Variants in TRPC3 observed in about 807,000 individuals in gnomAD.
TRPC3 encodes the protein transient receptor potential cation channel subfamily C member 3.
Under a neutral mutation model 90.9 loss-of-function variants are expected in TRPC3, and 54 were observed. That is an observed-to-expected ratio of 0.59 (90% confidence interval 0.48 to 0.75). TRPC3 has a LOEUF of 0.75. Ranked by LOEUF, TRPC3 falls within the 30% of genes least tolerant of loss-of-function variation. The pLI is 0.00. For synonymous variants in TRPC3, 424 were observed against 450.9 expected (o/e 0.94, Z 0.75); for missense variants, 918 against 1,194.5 (o/e 0.77, Z 3.41).
chr4:121,895,693 T>C (rs1042202335), intron 10 of TRPC3, among the ~76,000 whole-genome samples: 1 of 151,958 alleles, frequency 6.6e-6, no homozygotes, highest in Non-Finnish European at 1.5e-5. Flanking sequence ...AATGAGTGCA[T>C]AAAACATCTC....
Position 121,932,401 on chromosome 4 carries a change from G to C in TRPC3, c.857C>G (p.Ser286Trp), listed in dbSNP as rs774832979. 2.5e-6 allele frequency: 4 copies of C among 1,614,124 alleles called. No individual in the cohort carries two copies. The highest frequency in any genetic ancestry group is 3.4e-6 in the Non-Finnish European group (4 of 1,180,018). The part of the protein sequence containing the change: ...QRHDSFSHSR[S>W]RINAYKGLAS... ...CAGCCCCTTGTAGGCATTGATCCTCGAGCGTGAGTGGCTGAAGGAGTCGTG... is the reference window on the plus strand; with the variant it reads ...CAGCCCCTTGTAGGCATTGATCCTCCAGCGTGAGTGGCTGAAGGAGTCGTG... Residue 286 changes from serine (S) to tryptophan (W), a missense_variant, in exon 2 of 12, where the codon TCG becomes TGG. Coordinates refer to ENST00000379645, the MANE Select transcript of TRPC3 (RefSeq NM_001130698.2). This position sits in a 1 kb window ranked among gnomAD's most constrained non-coding sequence, Gnocchi z 7.7.
intron 2 of TRPC3, among the ~76,000 whole-genome samples, chr4:121,930,091 G>T (rs1729849756): frequency 6.6e-6 from 1 of 152,104 alleles, no homozygotes; most frequent in South Asian, 2.1e-4. Flanking sequence ...CATGGGATAA[G>T]AGGGGAGAAA....
intron 11 of TRPC3, among the ~76,000 whole-genome samples, chr4:121,881,088 C>T (rs559808416): frequency 6.6e-6 from 1 of 152,222 alleles, no homozygotes; most frequent in East Asian, 1.9e-4. Flanking sequence ...GCAGGAGACC[C>T]CCTGCCCTAC....
intron 10 of TRPC3, among the ~76,000 whole-genome samples, chr4:121,896,600 C>G (rs964459373): frequency 6.6e-6 from 1 of 152,000 alleles, no homozygotes; most frequent in Admixed American, 6.6e-5. Context: ...GATGAAAGAC[C>G]TCTTCAAGGA....
intron 10 of TRPC3, among the ~76,000 whole-genome samples, chr4:121,888,985 T>C (rs1319719954): frequency 3.9e-5 from 6 of 152,140 alleles, no homozygotes; most frequent in Non-Finnish European, 7.4e-5. Context: ...CAGTTGTCTA[T>C]GAACCAGGAA....
chr4:121,899,463 G>T, intron 10 of TRPC3, 149 bp downstream of exon 10: 1 of 486,156 alleles, frequency 2.1e-6, no homozygotes, highest in Non-Finnish European at 3.5e-6. Flanking sequence ...TTTCACAGGT[G>T]TTGAATCATT....
chr4:121,944,600 A>G (rs1031998629), intron 1 of TRPC3, among the ~76,000 whole-genome samples: 4 of 152,190 alleles, frequency 2.6e-5, no homozygotes, highest in African/African-American at 9.7e-5. Flanking sequence ...CTAGTGCTGG[A>G]CTGGGATCCT....
At chr4:121,948,599 C>A (rs565804181) in intron 1 of TRPC3, among the ~76,000 whole-genome samples, 1 of 152,288 alleles carries the variant, frequency 6.6e-6, no homozygotes, top group South Asian at 2.1e-4. Flanking sequence ...ATGCCTCAAA[C>A]CAACATGTCC....
chr4:121,879,871 T>C lies in TRPC3; in HGVS notation c.2631A>G (p.Leu877=), dbSNP rs767196076. The C allele has an allele frequency of 1.3e-6, 2 of 1,589,130 alleles. No individual in the cohort carries two copies. Among genetic ancestry groups the C allele is most frequent in the Admixed American group, 1.9e-5 (1 of 53,040 alleles). The part of the protein sequence containing the change: ...KENDEVNEGE[L]KEIKQDISSL... ...TGGAGATATCTTGCTTGATTTCTTT[T>C]AATTCACCTATAGTATTGATATTAA... Residue 877 remains leucine (L), a synonymous_variant, in exon 12 of 12, where the codon TTA becomes TTG. Coordinates refer to ENST00000379645, the MANE Select transcript of TRPC3 (RefSeq NM_001130698.2).
intron 1 of TRPC3, chr4:121,933,250 C>T (rs1328888230): frequency 5.6e-6 from 6 of 1,079,750 alleles, no homozygotes; most frequent in South Asian, 3.9e-5. Flanking sequence ...AGAAGGAAGC[C>T]GGCAGCCCTT....
intron 10 of TRPC3, among the ~76,000 whole-genome samples, chr4:121,894,555 G>GTTTTTTTTTT (rs374034360): frequency 3.2e-5 from 2 of 63,370 alleles, no homozygotes; most frequent in Non-Finnish European, 5.4e-5. Context: ...TACACATTCT[G>GTTTTTTTTTT]TTTTTTTTTT....
At chr4:121,934,770 A>T (rs2149144657) in intron 1 of TRPC3, among the ~76,000 whole-genome samples, 1 of 152,298 alleles carries the variant, frequency 6.6e-6, no homozygotes. Flanking sequence ...TGAGGGCCCC[A>T]AACAGAGAGA....
rs745617552 is a variant in TRPC3 at position 121,899,592 on chromosome 4, T to TA, written c.2547+19dup. 3 of 1,598,068 alleles carry TA rather than the reference T, an allele frequency of 1.9e-6. No individual in the cohort carries two copies. The highest frequency in any genetic ancestry group is 1.3e-5 in the African/African-American group (1 of 74,492). ...ATGGAATCACATAGAGATCAAGAGA[T>TA]ACGTCTAATGAATGCTTACCTGATA... is the stretch of plus-strand genomic sequence containing the variant. On this transcript the variant is annotated intron_variant, in intron 10 of 11. Transcript: ENST00000379645.
At chr4:121,948,047 C>A (rs1730552075) in intron 1 of TRPC3, among the ~76,000 whole-genome samples, 1 of 152,160 alleles carries the variant, frequency 6.6e-6, no homozygotes, top group Non-Finnish European at 1.5e-5. Flanking sequence ...TCTTCACACT[C>A]CTTTGAGTAA....
Position 121,877,141 on chromosome 4 carries a change from G to A in TRPC3, c.*2595C>T, listed in dbSNP as rs1727784733. 6.6e-6 allele frequency among the ~76,000 whole-genome samples: 1 copy of A among 152,122 alleles called. No homozygotes were observed. Among genetic ancestry groups the A allele is most frequent in the Admixed American group, 6.6e-5 (1 of 15,264 alleles). On this transcript the variant is annotated 3_prime_UTR_variant, in exon 12 of 12. Transcript: ENST00000379645. Reference sequence around the variant, plus strand: ...TATCCTCAAGTGAAGGACTAATTCTGACAGCAATCCCCTCGACTAATCCTC... The same window carrying A: ...TATCCTCAAGTGAAGGACTAATTCTAACAGCAATCCCCTCGACTAATCCTC...
chr4:121,888,823 C>T (rs188414489), intron 10 of TRPC3, among the ~76,000 whole-genome samples: 186 of 152,248 alleles, frequency 1.2e-3, no homozygotes, highest in African/African-American at 4.3e-3. Flanking sequence ...TTTGTCCACC[C>T]CAGGCTCATG....
intron 10 of TRPC3, 27 bp from the exon 11 acceptor site, chr4:121,882,456 T>A (rs1560682174): frequency 6.2e-7 from 1 of 1,600,026 alleles, no homozygotes; most frequent in South Asian, 1.1e-5. Flanking sequence ...AATGATTAGA[T>A]CTCCAATGAT....
chr4:121,914,263 G>C (rs920701162), intron 4 of TRPC3, among the ~76,000 whole-genome samples: 2 of 152,196 alleles, frequency 1.3e-5, no homozygotes, highest in African/African-American at 4.8e-5. Flanking sequence ...AAGGGCTAGG[G>C]GAACCTGACA....
Position 121,904,222 on chromosome 4 carries a change from T to C in TRPC3, c.2253+100A>G, listed in dbSNP as rs144853209. The C allele has an allele frequency of 4.7e-3, 5,034 of 1,063,930 alleles. 28 individuals carry two copies. The highest frequency in any genetic ancestry group is 6.0e-3 in the Non-Finnish European group (4,498 of 746,048). 65.9% of individuals were successfully genotyped at this position (1,063,930 alleles called of 1,614,324 possible). On this transcript the variant is annotated intron_variant, in intron 8 of 11. Transcript: ENST00000379645. ...GGCTCTGTGTGGATATAAGCCTCTT[T>C]GTTACATGAGCTGGAGCTCAGCCAC...
Sources: gnomAD v4.1 joint callset for allele counts (sites outside exome capture counted in the v4.1 genomes callset) on GRCh38, gnomAD v4.1.1 for gene constraint, Gnocchi (gnomAD v3.1) non-coding constraint, MANE v1.5 for transcripts, NCBI Gene and HGNC (gene_info 2026-07-23, HGNC 2026-07-21) for gene names.